RNF43: variants seen among roughly 807,000 people sequenced by gnomAD.
RNF43 encodes ring finger protein 43, also known as E3 ubiquitin-protein ligase RNF43.
RNF43 carries 37 observed loss-of-function variants against 78.4 expected under a neutral mutation model. The ratio of observed to expected loss-of-function variants is 0.47; its 90% CI spans 0.36 to 0.62. The LOEUF (loss-of-function observed/expected upper bound fraction) is 0.62. Among genes scored for constraint, RNF43 ranks in the 20% least tolerant of loss-of-function variants. The probability of loss-of-function intolerance (pLI) is 0.00; values close to 1 mark genes in which losing one functional copy is unlikely to be tolerated. For missense variants in RNF43, 774 were observed against 1,007.9 expected, an observed-to-expected ratio of 0.77 and a Z score of 3.14; for synonymous variants, 347 against 395.0, an observed-to-expected ratio of 0.88 and a Z score of 1.44.
rs539869056 is a variant in RNF43, at chr17:58,374,828, C to T, written c.253-3795G>A. The stretch of plus-strand genomic sequence containing the variant: ...CCAGACCCTTATGTCTAACCCTGGA[C>T]GTTTCTACCTTAATAATCTTAAGTA... On this transcript the variant is annotated intron_variant, in intron 2 of 9. Coordinates refer to ENST00000407977, the MANE Select transcript of RNF43 (RefSeq NM_017763.6). 3.3e-5 allele frequency among the ~76,000 whole-genome samples: 5 copies of T among 152,266 alleles called. No homozygotes were observed. In the East Asian group the frequency reaches 5.8e-4, roughly 18 times the overall value.
Position 58,417,427 on chromosome 17 carries a change from A to G in RNF43, c.-796T>C, listed in dbSNP as rs1166390084. Reference sequence around the variant, plus strand: ...AACAATTCACTATCAGAAACACATAAAATCCCAGAGAGAGAGAAGGCAGTA... The same window carrying G: ...AACAATTCACTATCAGAAACACATAGAATCCCAGAGAGAGAGAAGGCAGTA... On this transcript the variant is annotated 5_prime_UTR_variant, in exon 1 of 10. Coordinates refer to ENST00000407977, the MANE Select transcript of RNF43 (RefSeq NM_017763.6). 1 of 152,232 alleles carries G rather than the reference A, an allele frequency of 6.6e-6. No homozygotes were observed. The highest frequency in any genetic ancestry group is 1.9e-4 in the East Asian group (1 of 5,196). 9.4% of individuals were successfully genotyped at this position (152,232 alleles called of 1,614,324 possible).
chr17:58,358,595 G>A lies in RNF43; in HGVS notation c.1181C>T (p.Ala394Val), dbSNP rs2143421084. Reference protein sequence around the residue: ...GPRHHRFPRAAHPRAPGEQQR... With the variant: ...GPRHHRFPRAVHPRAPGEQQR... Reference sequence around the variant, plus strand: ...CTGCTCTCCTGGAGCCCGGGGATGTGCAGCTCTGGGGAAGCGGTGATGCCG... The same window carrying A: ...CTGCTCTCCTGGAGCCCGGGGATGTACAGCTCTGGGGAAGCGGTGATGCCG... Residue 394 changes from alanine to valine, a missense_variant, in exon 9 of 10, where the codon GCA becomes GTA. Coordinates refer to ENST00000407977, the MANE Select transcript of RNF43 (RefSeq NM_017763.6). This position sits in a 1 kb window ranked among gnomAD's most constrained non-coding sequence, Gnocchi z 6.2. 6.3e-7 allele frequency: 1 copy of A among 1,586,114 alleles called. No individual in the cohort carries two copies. The highest frequency in any genetic ancestry group is 8.6e-7 in the Non-Finnish European group (1 of 1,165,230).
intron 2 of RNF43, among the ~76,000 whole-genome samples, chr17:58,401,827 A>T (rs1232966189): frequency 1.4e-5 from 2 of 144,108 alleles, no homozygotes; most frequent in Middle Eastern, 3.4e-3. Context: ...CTAGCATAAA[A>T]AAAAAAAAAA....
At position 58,415,443 on chromosome 17, in the gene RNF43, T is replaced by C. The variant is rs1414015253; in HGVS notation, c.135A>G (p.Lys45=). 1 of 1,614,264 alleles carries C rather than the reference T, an allele frequency of 6.2e-7. No homozygotes were observed. Among genetic ancestry groups the C allele is most frequent in the South Asian group, 1.1e-5 (1 of 91,090 alleles). The stretch of plus-strand genomic sequence containing the variant: ...TCAAGGGGATCACTCTGATAATAGC[T>C]TTCTGTTCTGCTGATCTTTCAGACT... ...AVESERSAEQ[K]AIIRVIPLKM... The change falls in exon 2 of 10, where the codon AAA becomes AAG. Residue 45 remains lysine (K), a synonymous_variant. Coordinates refer to ENST00000407977, the MANE Select transcript of RNF43 (RefSeq NM_017763.6).
intron 2 of RNF43, among the ~76,000 whole-genome samples, chr17:58,414,654 T>C (rs1396158834): frequency 1.3e-5 from 2 of 152,214 alleles, no homozygotes; most frequent in African/African-American, 2.4e-5. Context: ...CCTAAGAAAC[T>C]ATGTCTGAAA....
At position 58,357,397 on chromosome 17, in the gene RNF43, C is replaced by T; in HGVS notation, c.2308+71G>A. On this transcript the variant is annotated intron_variant, in intron 9 of 9. Coordinates refer to ENST00000407977, the MANE Select transcript of RNF43 (RefSeq NM_017763.6). This position sits in a 1 kb window ranked among gnomAD's most constrained non-coding sequence, Gnocchi z 4.5. Reference sequence around the variant, plus strand: ...CTTCCATCAACCCTTTGTTGGCTGACTTCACCTGTCCTGAAATATTCAGCT... The same window carrying T: ...CTTCCATCAACCCTTTGTTGGCTGATTTCACCTGTCCTGAAATATTCAGCT... 1 of 1,595,678 alleles carries T rather than the reference C, an allele frequency of 6.3e-7. No individual in the cohort carries two copies. Among genetic ancestry groups the T allele is most frequent in the Non-Finnish European group, 8.6e-7 (1 of 1,163,418 alleles).
intron 2 of RNF43, among the ~76,000 whole-genome samples, chr17:58,405,758 G>GAAAGAA (rs1348856620): frequency 4.8e-5 from 7 of 147,288 alleles, no homozygotes; most frequent in African/African-American, 1.0e-4. Flanking sequence ...AAGAAAGAAA[G>GAAAGAA]AAAGAAAAAG....
chr17:58,409,024 G>C (rs1310508725), intron 2 of RNF43, among the ~76,000 whole-genome samples: 1 of 152,096 alleles, frequency 6.6e-6, no homozygotes, highest in Non-Finnish European at 1.5e-5. Context: ...CAGGAAAGGA[G>C]AATATGAGTC....
At chr17:58,372,084 C>G (rs555181135) in intron 2 of RNF43, among the ~76,000 whole-genome samples, 23 of 152,232 alleles carry the variant, frequency 1.5e-4, no homozygotes, top group Non-Finnish European at 3.1e-4. Context: ...GCTGCCCACA[C>G]TTCCCCCTCT....
At chr17:58,353,326 A>G (rs1220037627), downstream of RNF43, 5 of 211,162 alleles carry the variant, frequency 2.4e-5, no homozygotes. Context: ...TCCTGCAACA[A>G]CTATTAAGTA....
At chr17:58,387,643 G>A (rs1598153412) in intron 2 of RNF43, among the ~76,000 whole-genome samples, 2 of 151,750 alleles carry the variant, frequency 1.3e-5, no homozygotes, top group East Asian at 3.9e-4. Flanking sequence ...CTGGGCGACA[G>A]AGAGAGACTC....
intron 2 of RNF43, among the ~76,000 whole-genome samples, chr17:58,373,085 G>A (rs1247164325): frequency 6.6e-6 from 1 of 152,212 alleles, no homozygotes; most frequent in Non-Finnish European, 1.5e-5. Flanking sequence ...CAGAGCAGAA[G>A]ATGGAGGCCT....
intron 2 of RNF43, among the ~76,000 whole-genome samples, chr17:58,387,689 G>T (rs1973467605): frequency 6.6e-6 from 1 of 151,952 alleles, no homozygotes; most frequent in African/African-American, 2.4e-5. Flanking sequence ...CAAAGTGCAG[G>T]ACACCTATAA....
rs372976225 is a variant in RNF43 at position 58,415,752 on chromosome 17, T to C, written c.-175A>G. On this transcript the variant is annotated 5_prime_UTR_variant, in exon 2 of 10. Transcript: ENST00000407977. Reference sequence around the variant, plus strand: ...TCTAAAGTTTATTCCCAAAAACAGGTAGCATTCCTGATTGGGCAGAGAAGA... The same window carrying C: ...TCTAAAGTTTATTCCCAAAAACAGGCAGCATTCCTGATTGGGCAGAGAAGA... 1.5e-5 allele frequency: 10 copies of C among 681,248 alleles called. No homozygotes were observed. The highest frequency in any genetic ancestry group is 2.4e-5 in the Non-Finnish European group (10 of 410,692). The allele number at this position is 681,248 out of a possible 1,614,324, so 42.2% of individuals were successfully genotyped here. A position where few individuals can be genotyped will look rare whatever the true frequency, so the allele number is the denominator to read the frequency against.
At chr17:58,401,930 AGAT>A (rs1414384443) in intron 2 of RNF43, among the ~76,000 whole-genome samples, 1 of 152,196 alleles carries the variant, frequency 6.6e-6, no homozygotes, top group Admixed American at 6.5e-5. Context: ...CTTACTTCCC[AGAT>A]CCTACCTTAC....
chr17:58,404,641 AAC>A (rs1973868920), intron 2 of RNF43, among the ~76,000 whole-genome samples: 1 of 152,228 alleles, frequency 6.6e-6, no homozygotes, highest in South Asian at 2.1e-4. Flanking sequence ...GAACAGGAAT[AAC>A]ACACATTTAT....
intron 8 of RNF43, among the ~76,000 whole-genome samples, chr17:58,359,460 T>C (rs1329919557): frequency 6.7e-6 from 1 of 149,026 alleles, no homozygotes; most frequent in African/African-American, 2.5e-5. Flanking sequence ...AAAAATTAGC[T>C]GGGCATGGTG....
Position 58,408,249 on chromosome 17 carries a change from GA to G in RNF43, c.252+7076del, listed in dbSNP as rs1166828007. The stretch of plus-strand genomic sequence containing the variant: ...TCCTTAGATCTCTAGATATGTCTTA[GA>G]GAGTCAACTCACTGAGATTTTATGC... On this transcript the variant is annotated intron_variant, in intron 2 of 9. Transcript: ENST00000407977. 3.3e-5 allele frequency among the ~76,000 whole-genome samples: 5 copies of G among 152,178 alleles called. 1 individual carries two copies. The highest frequency in any genetic ancestry group is 7.3e-5 in the Non-Finnish European group (5 of 68,036).
At position 58,358,628 on chromosome 17, in the gene RNF43, A is replaced by G. The variant is rs1272713211; in HGVS notation, c.1148T>C (p.Met383Thr). 10 of 1,546,206 alleles carry G rather than the reference A, an allele frequency of 6.5e-6. No individual in the cohort carries two copies. The South Asian group carries it at 8.6e-5, about 13-fold the overall frequency. The change falls in exon 9 of 10, where the codon ATG becomes ACG. Residue 383 changes from methionine (M) to threonine (T), a missense_variant. Physicochemically the swap from Met to Thr is moderately conservative, Grantham distance 81 (BLOSUM62 -1). Coordinates refer to ENST00000407977, the MANE Select transcript of RNF43 (RefSeq NM_017763.6). The surrounding 1 kb of genome is among the most constrained non-coding windows in gnomAD (Gnocchi z 6.2). ...GPFLPSQEPG[M>T]GPRHHRFPRA... is the part of the protein sequence containing the mutation. ...GGGGAAGCGGTGATGCCGAGGGCCC[A>G]TGCCTGGCTCCTGGGATGGCAGGAA...
Sources: allele counts gnomAD v4.1 joint callset (sites outside exome capture counted in the v4.1 genomes callset), GRCh38; gene constraint gnomAD v4.1.1; non-coding constraint Gnocchi (gnomAD v3.1); transcripts MANE v1.5; gene names NCBI Gene and HGNC (gene_info 2026-07-23, HGNC 2026-07-21).